SLC9C2: variants seen among roughly 807,000 people sequenced by gnomAD.
The protein encoded by SLC9C2 is sodium/hydrogen exchanger 11.
A neutral mutation model predicts 140.2 loss-of-function variants in SLC9C2; 75 were observed. The observed-to-expected ratio is 0.53, with a 90% confidence interval of 0.44 to 0.65. The LOEUF (loss-of-function observed/expected upper bound fraction) is 0.65, where lower values mean the gene tolerates loss of function less well. Ranked by LOEUF, SLC9C2 falls within the 30% of genes least tolerant of loss-of-function variation. The pLI is 0.00. For missense variants in SLC9C2, 1,074 were observed against 1,331.8 expected, an observed-to-expected ratio of 0.81 and a Z score of 3.01; for synonymous variants, 375 against 420.9, an observed-to-expected ratio of 0.89 and a Z score of 1.34.
At chr1:173,512,830 T>C (rs530783871) in intron 23 of SLC9C2, among the ~76,000 whole-genome samples, 1 of 152,354 alleles carries the variant, frequency 6.6e-6, no homozygotes, top group African/African-American at 2.4e-5. Flanking sequence ...GTTCCATCAA[T>C]ACCTACTTTA....
rs375115253 is a variant in SLC9C2, at chr1:173,523,952, GA to G, written c.2640+16del. The stretch of plus-strand genomic sequence containing the variant: ...TTACCATCAAACCTGAGCCAGAATA[GA>G]AAACGGAATCTTTACCTTGAAGAAG... On this transcript the variant is annotated intron_variant, in intron 21 of 27. Coordinates refer to ENST00000367714, the MANE Select transcript of SLC9C2 (RefSeq NM_178527.4). 1 of 1,597,860 alleles carries G rather than the reference GA, an allele frequency of 6.3e-7. No individual in the cohort carries two copies.
rs779418181 is a variant in SLC9C2, at chr1:173,601,723, G to A, written c.54C>T (p.Cys18=). Reference sequence around the variant, plus strand: ...CAACAAGGTAGTCAGCTGGCTGCCCGCAGAGTAAATCAGGTCTGTTACTTT... The same window carrying A: ...CAACAAGGTAGTCAGCTGGCTGCCCACAGAGTAAATCAGGTCTGTTACTTT... ...QNESNRPDLL[C]GQPADYLVEE... The change falls in exon 2 of 28, where the codon TGC becomes TGT. Residue 18 remains cysteine (C), a synonymous_variant. Transcript: ENST00000367714. The A allele has an allele frequency of 1.9e-5, 30 of 1,613,910 alleles. No individual in the cohort carries two copies. Among genetic ancestry groups the A allele is most frequent in the Middle Eastern group, 1.6e-4 (1 of 6,084 alleles).
At chr1:173,524,224 TC>T (rs1331084032) in intron 20 of SLC9C2, 130 bp from the exon 21 acceptor site, 150 of 820,348 alleles carry the variant, frequency 1.8e-4, no homozygotes, top group Admixed American at 3.0e-4. Context: ...TCACAGCTTG[TC>T]TCATCCTATC....
chr1:173,580,501 G>A (rs187468661), intron 7 of SLC9C2, among the ~76,000 whole-genome samples: 94 of 152,216 alleles, frequency 6.2e-4, no homozygotes, highest in African/African-American at 1.9e-3. Context: ...ACAGGCGTGC[G>A]CCAGCACACC....
In SLC9C2 at chr1:173,533,703, T is replaced by C. The variant is rs777207580; in HGVS notation, c.2069A>G (p.Tyr690Cys). 1 of 1,611,372 alleles carries C rather than the reference T, an allele frequency of 6.2e-7. No homozygotes were observed. Among genetic ancestry groups the C allele is most frequent in the South Asian group, 1.1e-5 (1 of 91,002 alleles). ...GTTGTCTGGTCTCAATTTCACAAAG[T>C]ATACACAAAAGATATCAATGATTCC... ...VIGIIDIFCV[Y>C]FVKLRPDNLA... The change falls in exon 17 of 28, where the codon TAC becomes TGC. Residue 690 changes from tyrosine to cysteine, a missense_variant. Coordinates refer to ENST00000367714, the MANE Select transcript of SLC9C2 (RefSeq NM_178527.4).
intron 27 of SLC9C2, among the ~76,000 whole-genome samples, chr1:173,502,955 T>A (rs10912624): frequency 0.36 from 54,557 of 151,970 alleles, 12,337 homozygotes; most frequent in East Asian, 0.64. Flanking sequence ...TAGACCCTAG[T>A]GTCTACACGT....
chr1:173,521,783 A>T (rs1342519271), intron 21 of SLC9C2, among the ~76,000 whole-genome samples: 5 of 150,846 alleles, frequency 3.3e-5, no homozygotes, highest in Non-Finnish European at 5.9e-5. Flanking sequence ...TGGTAAGCTA[A>T]ACAATTCCCC....
At position 173,524,034 on chromosome 1, in the gene SLC9C2, G is replaced by T; in HGVS notation, c.2575C>A (p.Pro859Thr). The change falls in exon 21 of 28, where the codon CCT (proline) becomes ACT (threonine). Residue 859 changes from proline to threonine, a missense_variant. Pro to Thr is a conservative substitution (Grantham distance 38). Transcript: ENST00000367714. ...NFPKAIPPPT[P>T]DIYLHNIIWL... is the part of the protein sequence containing the mutation. ...ATGATGTTGTGAAGGTATATGTCAGGAGTTGGGGGTGGGATTGCCTTTGGA... is the reference window on the plus strand; with the variant it reads ...ATGATGTTGTGAAGGTATATGTCAGTAGTTGGGGGTGGGATTGCCTTTGGA... 1 of 1,613,724 alleles carries T rather than the reference G, an allele frequency of 6.2e-7. No homozygotes were observed. Among genetic ancestry groups the T allele is most frequent in the East Asian group, 2.2e-5 (1 of 44,848 alleles).
chr1:173,543,586 A>G (rs933699786), intron 13 of SLC9C2, among the ~76,000 whole-genome samples: 4 of 152,148 alleles, frequency 2.6e-5, no homozygotes, highest in Non-Finnish European at 5.9e-5. Flanking sequence ...GAGGCATCAC[A>G]CTACCTGACT....
chr1:173,593,608 T>C (rs553100254), intron 4 of SLC9C2, among the ~76,000 whole-genome samples: 5 of 152,200 alleles, frequency 3.3e-5, no homozygotes, highest in Admixed American at 3.3e-4. Context: ...CAAGACCCAA[T>C]GGTATGATGT....
chr1:173,567,075 T>A (rs566890769), intron 9 of SLC9C2, among the ~76,000 whole-genome samples: 17 of 152,248 alleles, frequency 1.1e-4, no homozygotes, highest in African/African-American at 4.1e-4. Context: ...AAGACTTGTT[T>A]TATGATCTAA....
rs199983843 is a variant in SLC9C2 at position 173,597,969 on chromosome 1, G to A, written c.292C>T (p.Pro98Ser). The part of the protein sequence containing the change: ...SSFSLYSYFS[P>S]LIIFMVALDV... ...AAAGCAACCATAAATATAATTAAAG[G>A]TGAAAAGTAAGAATAAAGTGAAAAA... The change falls in exon 4 of 28, where the codon CCT (proline) becomes TCT (serine). Residue 98 changes from proline to serine, a missense_variant. By Grantham distance (74) the Pro-to-Ser change is moderately conservative. Coordinates refer to ENST00000367714, the MANE Select transcript of SLC9C2 (RefSeq NM_178527.4). The A allele has an allele frequency of 2.5e-6, 4 of 1,598,668 alleles. No individual in the cohort carries two copies. In the East Asian group the frequency reaches 9.0e-5, roughly 36 times the overall value.
chr1:173,536,336 G>A (rs1414460378), intron 14 of SLC9C2, among the ~76,000 whole-genome samples: 1 of 152,174 alleles, frequency 6.6e-6, no homozygotes, highest in African/African-American at 2.4e-5. Flanking sequence ...CTGCTGAAAT[G>A]TTATCTATCA....
chr1:173,601,878 A>G (rs1666806152), intron 1 of SLC9C2, 23 bp from the exon 2 acceptor site: 1 of 1,410,288 alleles, frequency 7.1e-7, no homozygotes, highest in Non-Finnish European at 9.7e-7. Context: ...CAAAAAGAAC[A>G]TGAGACCTAC....
At position 173,506,942 on chromosome 1, in the gene SLC9C2, C is replaced by A; in HGVS notation, c.3139G>T (p.Val1047Phe). The part of the protein sequence containing the change: ...MIIDNMTMKF[V>F]IIVYGSVIDT... ...ATTACACTGCCATACACAATGATAA[C>A]AAATTTCATGGTCATATTATCAATA... The change falls in exon 25 of 28, where the codon GTT (valine) becomes TTT (phenylalanine). Residue 1047 changes from valine (V) to phenylalanine (F), a missense_variant. Physicochemically the swap from Val to Phe is conservative, Grantham distance 50. Coordinates refer to ENST00000367714, the MANE Select transcript of SLC9C2 (RefSeq NM_178527.4). The A allele has an allele frequency of 1.2e-6, 2 of 1,613,478 alleles. No individual in the cohort carries two copies. Among genetic ancestry groups the A allele is most frequent in the Non-Finnish European group, 1.7e-6 (2 of 1,179,746 alleles).
intron 9 of SLC9C2, among the ~76,000 whole-genome samples, chr1:173,571,243 C>A (rs927908631): frequency 6.6e-6 from 1 of 152,176 alleles, no homozygotes; most frequent in Admixed American, 6.5e-5. Context: ...GTACATCCTT[C>A]CAGGTGTTTT....
At chr1:173,578,575 A>T (rs1243100739) in intron 7 of SLC9C2, among the ~76,000 whole-genome samples, 2 of 152,178 alleles carry the variant, frequency 1.3e-5, no homozygotes, top group African/African-American at 4.8e-5. Context: ...GCCATAATTG[A>T]ATAGCACAAA....
chr1:173,525,082 T>A (rs1376017258), intron 19 of SLC9C2, among the ~76,000 whole-genome samples, 155 bp from the exon 20 acceptor site: 1 of 152,128 alleles, frequency 6.6e-6, no homozygotes, highest in Non-Finnish European at 1.5e-5. Context: ...AAAGAGTTAT[T>A]TTCAACTCTA....
chr1:173,554,646 T>G (rs1321618752), intron 11 of SLC9C2, 87 bp downstream of exon 11: 1 of 794,994 alleles, frequency 1.3e-6, no homozygotes, highest in Non-Finnish European at 2.1e-6. Context: ...TTCCTTGAGC[T>G]TCATGAGAAA....
Sources: gnomAD v4.1 joint callset for allele counts (sites outside exome capture counted in the v4.1 genomes callset) on GRCh38, gnomAD v4.1.1 for gene constraint, MANE v1.5 for transcripts, NCBI Gene and HGNC (gene_info 2026-07-23, HGNC 2026-07-21) for gene names.